Variants in ASTN2 observed in about 807,000 individuals in gnomAD.
The protein encoded by ASTN2 is astrotactin-2.
ASTN2 carries 54 observed loss-of-function variants against 139.8 expected under a neutral mutation model. The observed-to-expected ratio is 0.39, with a 90% CI of 0.31 to 0.48. ASTN2 has a LOEUF of 0.48. Ranked by LOEUF, ASTN2 falls within the 20% of genes least tolerant of loss-of-function variation. The pLI is 0.95. For missense variants in ASTN2, 1,565 were observed against 1,725.1 expected (o/e 0.91, Z 1.64); for synonymous variants, 756 against 719.5 (o/e 1.05, Z -0.81).
intron 4 of ASTN2, among the ~76,000 whole-genome samples, chr9:117,124,825 A>AT (rs1829646958): frequency 6.6e-6 from 1 of 151,166 alleles, no homozygotes; most frequent in Non-Finnish European, 1.5e-5. Flanking sequence ...AAAAAAAAAA[A>AT]AGCTGCATGT....
intron 10 of ASTN2, among the ~76,000 whole-genome samples, chr9:116,953,910 G>A (rs1200634399): frequency 6.6e-6 from 1 of 152,172 alleles, no homozygotes; most frequent in Non-Finnish European, 1.5e-5. Flanking sequence ...GGAGTAGAAG[G>A]GGTCACACAA....
intron 10 of ASTN2, among the ~76,000 whole-genome samples, chr9:116,938,408 G>A (rs765480402): frequency 7.9e-5 from 12 of 152,094 alleles, no homozygotes; most frequent in Non-Finnish European, 1.5e-4. Context: ...TACACCCTCC[G>A]AAATCATGCA....
rs149539413 is a variant in ASTN2, at chr9:117,058,767, A to G, written c.1277-18802T>C. 3.7e-3 allele frequency among the ~76,000 whole-genome samples: 569 copies of G among 152,302 alleles called. 1 individual carries two copies. Among genetic ancestry groups the G allele is most frequent in the Non-Finnish European group, 5.5e-3 (373 of 68,022 alleles). ...GTTTCCAGTCTGGTGGGGATGGGAGATCAGACATGAAAATGCTAGTGTACA... is the reference window on the plus strand; with the variant it reads ...GTTTCCAGTCTGGTGGGGATGGGAGGTCAGACATGAAAATGCTAGTGTACA... On this transcript the variant is annotated intron_variant, in intron 5 of 22. Coordinates refer to ENST00000313400, the MANE Select transcript of ASTN2 (RefSeq NM_001365068.1).
intron 11 of ASTN2, among the ~76,000 whole-genome samples, chr9:116,862,925 T>A (rs1367753037): frequency 6.6e-6 from 1 of 151,878 alleles, no homozygotes; most frequent in Non-Finnish European, 1.5e-5. Flanking sequence ...GTATCTTAGG[T>A]CATTCTTATA....
chr9:116,655,736 G>A (rs1377098684), intron 16 of ASTN2, among the ~76,000 whole-genome samples: 4 of 152,034 alleles, frequency 2.6e-5, no homozygotes, highest in Non-Finnish European at 5.9e-5. Context: ...CTGTCACTTG[G>A]GTTGAAGTCA....
chr9:116,484,925 T>TA (rs1428448806), intron 20 of ASTN2, among the ~76,000 whole-genome samples: 1 of 152,180 alleles, frequency 6.6e-6, no homozygotes, highest in Non-Finnish European at 1.5e-5. Flanking sequence ...CATTGCTGTC[T>TA]ACATAATGGG....
intron 19 of ASTN2, among the ~76,000 whole-genome samples, chr9:116,597,102 T>G (rs1854615843): frequency 6.6e-6 from 1 of 150,916 alleles, no homozygotes; most frequent in Non-Finnish European, 1.5e-5. Context: ...TTAAAAAATG[T>G]ATTTTCTTGC....
rs779090548 is a variant in ASTN2 at position 116,699,029 on chromosome 9, C to T, written c.2806+26742G>A. Reference sequence around the variant, plus strand: ...TCCTTGGGGCAGATCTACCCAACCTCACTCCTCTCTCAGTGGCAATGAACT... The same window carrying T: ...TCCTTGGGGCAGATCTACCCAACCTTACTCCTCTCTCAGTGGCAATGAACT... On this transcript the variant is annotated intron_variant, in intron 16 of 22. Transcript: ENST00000313400. The surrounding 1 kb of genome is among the most constrained non-coding windows in gnomAD (Gnocchi z 4.2). The T allele has an allele frequency of 6.2e-7, 1 of 1,614,174 alleles. No homozygotes were observed. Among genetic ancestry groups the T allele is most frequent in the South Asian group, 1.1e-5 (1 of 91,088 alleles).
intron 3 of ASTN2, among the ~76,000 whole-genome samples, chr9:117,208,300 G>A (rs961183366): frequency 6.6e-6 from 1 of 151,750 alleles, no homozygotes; most frequent in Non-Finnish European, 1.5e-5. Context: ...TCAACAAAGA[G>A]ATAGATACCA....
At chr9:117,161,001 T>C (rs917517333) in intron 3 of ASTN2, among the ~76,000 whole-genome samples, 2 of 151,914 alleles carry the variant, frequency 1.3e-5, no homozygotes, top group African/African-American at 4.8e-5. Context: ...AAATCAAAAG[T>C]AGTGATGACA....
chr9:117,052,869 T>TGTCC (rs1203702045), intron 5 of ASTN2, among the ~76,000 whole-genome samples: 1 of 152,246 alleles, frequency 6.6e-6, no homozygotes, highest in Non-Finnish European at 1.5e-5. Flanking sequence ...AACTGTGTGA[T>TGTCC]GTTCTAAACA....
At chr9:117,184,720 G>A (rs146441058) in intron 3 of ASTN2, among the ~76,000 whole-genome samples, 276 of 152,252 alleles carry the variant, frequency 1.8e-3, no homozygotes, top group African/African-American at 6.3e-3. Flanking sequence ...ATGGCACTGA[G>A]TTCCAACTCA....
intron 13 of ASTN2, among the ~76,000 whole-genome samples, chr9:116,779,187 A>G (rs1588286189): frequency 6.6e-6 from 1 of 152,118 alleles, no homozygotes; most frequent in Admixed American, 6.5e-5. Context: ...CCCCATTGCA[A>G]CAGTGTTGCA....
At chr9:116,721,256 G>T (rs1271469533) in intron 16 of ASTN2, among the ~76,000 whole-genome samples, 1 of 152,164 alleles carries the variant, frequency 6.6e-6, no homozygotes, top group Non-Finnish European at 1.5e-5. Flanking sequence ...GTAGAGCTGG[G>T]ATTTGAATTG....
At chr9:116,702,639 G>A (rs1422638417) in intron 16 of ASTN2, among the ~76,000 whole-genome samples, 1 of 152,090 alleles carries the variant, frequency 6.6e-6, no homozygotes, top group African/African-American at 2.4e-5. Flanking sequence ...CCAGTAACCC[G>A]AGTCTTCCTA....
intron 10 of ASTN2, among the ~76,000 whole-genome samples, chr9:116,954,563 C>A (rs986481449): frequency 6.6e-6 from 1 of 152,166 alleles, no homozygotes; most frequent in Non-Finnish European, 1.5e-5. Flanking sequence ...ACTACTATTA[C>A]TTTGTTGCAA....
chr9:116,478,721 G>A lies in ASTN2; in HGVS notation c.3497+8638C>T, dbSNP rs538297757. Among the ~76,000 whole-genome samples the A allele has an allele frequency of 2.6e-5, 4 of 152,190 alleles. No individual in the cohort carries two copies. In the South Asian group the frequency reaches 8.3e-4, roughly 32 times the overall value. ...TGAAATGCACAGCCTCAGGCTGGGCGCAGTGGCTCACACATGTAATCCCAG... is the reference window on the plus strand; with the variant it reads ...TGAAATGCACAGCCTCAGGCTGGGCACAGTGGCTCACACATGTAATCCCAG... On this transcript the variant is annotated intron_variant, in intron 20 of 22. Transcript: ENST00000313400.
At chr9:117,120,006 G>GTATATA (rs1247910636) in intron 4 of ASTN2, among the ~76,000 whole-genome samples, 14 of 44,544 alleles carry the variant, frequency 3.1e-4, no homozygotes, top group Non-Finnish European at 4.3e-4. Context: ...GTGTGTGTGT[G>GTATATA]TGTGTGTGTG....
intron 12 of ASTN2, among the ~76,000 whole-genome samples, chr9:116,819,337 C>A (rs1564285018): frequency 6.6e-6 from 1 of 152,174 alleles, no homozygotes; most frequent in Non-Finnish European, 1.5e-5. Flanking sequence ...GTCACTTAAG[C>A]TGAGGAGAGA....
Sources: gnomAD v4.1 joint callset for allele counts (sites outside exome capture counted in the v4.1 genomes callset) on GRCh38, gnomAD v4.1.1 for gene constraint, Gnocchi (gnomAD v3.1) non-coding constraint, MANE v1.5 for transcripts, NCBI Gene and HGNC (gene_info 2026-07-23, HGNC 2026-07-21) for gene names.